TAFA2: variants seen among roughly 807,000 people sequenced by gnomAD.
The protein encoded by TAFA2 is TAFA chemokine like family member 2, also known as chemokine-like protein TAFA-2.
A neutral mutation model predicts 18.8 loss-of-function variants in TAFA2; 7 were observed. The ratio of observed to expected loss-of-function variants is 0.37; its 90% CI spans 0.21 to 0.70. TAFA2 has a LOEUF of 0.70. Ranked by LOEUF, TAFA2 falls within the 30% of genes least tolerant of loss-of-function variation. The probability of loss-of-function intolerance (pLI) is 0.53; values close to 1 mark genes in which losing one functional copy is unlikely to be tolerated. For missense variants in TAFA2, 122 were observed against 158.1 expected (o/e 0.77, Z 1.23); for synonymous variants, 60 against 54.2 (o/e 1.11, Z -0.47).
At chr12:61,973,579 A>T (rs1565701496) in intron 1 of TAFA2, among the ~76,000 whole-genome samples, 1 of 151,606 alleles carries the variant, frequency 6.6e-6, no homozygotes, top group Non-Finnish European at 1.5e-5. Flanking sequence ...TATCACCCAG[A>T]ACAATTATAT....
At chr12:61,761,911 A>T (rs6581428) in intron 2 of TAFA2, among the ~76,000 whole-genome samples, 78,513 of 151,764 alleles carry the variant, frequency 0.52, 20,786 homozygotes, top group African/African-American at 0.64. Flanking sequence ...TTCCTAATGG[A>T]TTAGCACCAT....
At chr12:62,150,830 C>T (rs1459122057) in intron 1 of TAFA2, among the ~76,000 whole-genome samples, 1 of 151,598 alleles carries the variant, frequency 6.6e-6, no homozygotes, top group East Asian at 1.9e-4. Context: ...CACTTGAACC[C>T]AGGAGACGGA....
chr12:62,072,505 G>A (rs567708428), intron 1 of TAFA2, among the ~76,000 whole-genome samples: 1 of 152,086 alleles, frequency 6.6e-6, no homozygotes, highest in South Asian at 2.1e-4. Flanking sequence ...TCCAGGCCGG[G>A]CATGATGTCT....
At chr12:62,128,558 T>A (rs1027993871) in intron 1 of TAFA2, among the ~76,000 whole-genome samples, 2 of 151,928 alleles carry the variant, frequency 1.3e-5, no homozygotes, top group African/African-American at 4.8e-5. Flanking sequence ...CACGTATATC[T>A]CCCCACCACT....
intron 2 of TAFA2, among the ~76,000 whole-genome samples, chr12:61,777,327 C>T (rs1052028113): frequency 3.3e-5 from 5 of 151,792 alleles, no homozygotes; most frequent in Non-Finnish European, 5.9e-5. Context: ...GCAGTATTAT[C>T]GGGAGGATTA....
chr12:62,218,698 A>G (rs1308564737), intron 1 of TAFA2, among the ~76,000 whole-genome samples: 3 of 152,156 alleles, frequency 2.0e-5, no homozygotes, highest in East Asian at 3.8e-4. Context: ...GATGTTTCAG[A>G]TATTCTTGGA....
At chr12:61,812,370 T>C (rs978160227) in intron 2 of TAFA2, among the ~76,000 whole-genome samples, 2 of 151,346 alleles carry the variant, frequency 1.3e-5, no homozygotes, top group African/African-American at 4.9e-5. Flanking sequence ...ATGCCATTGC[T>C]CTGCTCCCAA....
chr12:61,882,274 T>C (rs1487855005), intron 1 of TAFA2, among the ~76,000 whole-genome samples: 1 of 152,174 alleles, frequency 6.6e-6, no homozygotes, highest in African/African-American at 2.4e-5. Context: ...AAGGACCTAC[T>C]GAAAAACAGA....
chr12:61,755,761 A>T (rs752687859), intron 2 of TAFA2, among the ~76,000 whole-genome samples: 2 of 152,090 alleles, frequency 1.3e-5, no homozygotes, highest in Non-Finnish European at 2.9e-5. Context: ...ACCTTGAATA[A>T]GGACACTAAG....
chr12:62,068,049 T>C (rs1272886099), intron 1 of TAFA2, among the ~76,000 whole-genome samples: 1 of 151,830 alleles, frequency 6.6e-6, no homozygotes, highest in Non-Finnish European at 1.5e-5. Flanking sequence ...ATTCCACAAT[T>C]CCACAATAAT....
chr12:62,041,127 T>A (rs983673618), intron 1 of TAFA2, among the ~76,000 whole-genome samples: 2 of 152,178 alleles, frequency 1.3e-5, no homozygotes, highest in Admixed American at 1.3e-4. Context: ...GAGAAAAAAC[T>A]AATCTTTATG....
chr12:62,058,771 A>C (rs1308388888), intron 1 of TAFA2, among the ~76,000 whole-genome samples: 3 of 152,176 alleles, frequency 2.0e-5, no homozygotes, highest in South Asian at 4.1e-4. Flanking sequence ...GACCAGCCTA[A>C]GCAACACAGT....
At chr12:61,915,716 T>G (rs988136574) in intron 1 of TAFA2, among the ~76,000 whole-genome samples, 1 of 152,196 alleles carries the variant, frequency 6.6e-6, no homozygotes, top group African/African-American at 2.4e-5. Flanking sequence ...GAAAGCCTGA[T>G]AGTCTGCAGC....
At chr12:61,889,921 T>C (rs569668625) in intron 1 of TAFA2, among the ~76,000 whole-genome samples, 24 of 152,150 alleles carry the variant, frequency 1.6e-4, no homozygotes, top group Non-Finnish European at 2.9e-4. Flanking sequence ...AAATGAGAGG[T>C]TCTAAAGGCC....
chr12:62,024,717 A>C (rs1881258679), intron 1 of TAFA2, among the ~76,000 whole-genome samples: 1 of 152,176 alleles, frequency 6.6e-6, no homozygotes, highest in Admixed American at 6.5e-5. Context: ...CATCCAACAA[A>C]GATCTAATAT....
intron 2 of TAFA2, among the ~76,000 whole-genome samples, chr12:61,786,297 T>C (rs1296278515): frequency 6.6e-6 from 1 of 151,530 alleles, no homozygotes; most frequent in East Asian, 1.9e-4. Flanking sequence ...CTGCCTTACT[T>C]ACCTGAAAAG....
At chr12:61,921,620 A>G (rs1305131549) in intron 1 of TAFA2, among the ~76,000 whole-genome samples, 2 of 152,086 alleles carry the variant, frequency 1.3e-5, no homozygotes, top group Admixed American at 6.5e-5. Flanking sequence ...TCCATTTTGT[A>G]CACATCAGAT....
At chr12:62,071,952 C>T (rs904555125) in intron 1 of TAFA2, among the ~76,000 whole-genome samples, 9 of 152,172 alleles carry the variant, frequency 5.9e-5, no homozygotes, top group African/African-American at 2.2e-4. Context: ...ATACACTTCA[C>T]TGCACTAATA....
chr12:62,039,168 A>G (rs1881691421), intron 1 of TAFA2, among the ~76,000 whole-genome samples: 1 of 152,212 alleles, frequency 6.6e-6, no homozygotes. Context: ...TGCAAGTACA[A>G]AAGCATTCAT....
Sources: gnomAD v4.1 joint callset for allele counts (sites outside exome capture counted in the v4.1 genomes callset) on GRCh38, gnomAD v4.1.1 for gene constraint, MANE v1.5 for transcripts, NCBI Gene and HGNC (gene_info 2026-07-23, HGNC 2026-07-21) for gene names.